XRRA1: variants seen among roughly 807,000 people sequenced by gnomAD.
The protein encoded by XRRA1 is X-ray radiation resistance associated 1, also known as X-ray radiation resistance-associated protein 1.
A neutral mutation model predicts 80.2 loss-of-function variants in XRRA1; 69 were observed. The observed-to-expected ratio is 0.86, with a 90% confidence interval of 0.71 to 1.05. The LOEUF is 1.05. Among genes scored for constraint, XRRA1 ranks in the 50% least tolerant of loss-of-function variants. The probability of loss-of-function intolerance (pLI) is 0.00; values close to 1 mark genes in which losing one functional copy is unlikely to be tolerated. For synonymous variants in XRRA1, 348 were observed against 389.9 expected (o/e 0.89, Z 1.27); for missense variants, 967 against 976.4 (o/e 0.99, Z 0.13).
rs1565207671 is a variant in XRRA1, at chr11:74,844,235, A to T, written c.1976T>A (p.Leu659His). The part of the protein sequence containing the change: ...QALQQMLKHP[L>H]LCHSSKPKLD... ...CTTGGGCTTGGAGGAGTGGCACAGG[A>T]GTGGGTGCTTCAGCATTTGTTGCAG... Residue 659 changes from leucine (L) to histidine (H), a missense_variant, in exon 17 of 19, where the codon CTC becomes CAC. Coordinates refer to ENST00000684022, the MANE Select transcript of XRRA1 (RefSeq NM_001378157.1). The T allele has an allele frequency of 6.2e-7, 1 of 1,613,698 alleles. No homozygotes were observed. Among genetic ancestry groups the T allele is most frequent in the Non-Finnish European group, 8.5e-7 (1 of 1,179,840 alleles).
chr11:74,846,218 G>A (rs867288775), intron 15 of XRRA1: 1 of 152,158 alleles, frequency 6.6e-6, no homozygotes, highest in African/African-American at 2.4e-5. Context: ...GTATATACGT[G>A]TGTGTATTTG....
chr11:74,914,928 G>A (rs138459976), intron 8 of XRRA1, among the ~76,000 whole-genome samples: 33 of 152,206 alleles, frequency 2.2e-4, no homozygotes, highest in African/African-American at 7.2e-4. Flanking sequence ...TTCCTATGGC[G>A]CATACTCCTG....
chr11:74,853,805 AAAG>A (rs1451639406), intron 12 of XRRA1, among the ~76,000 whole-genome samples: 1 of 152,218 alleles, frequency 6.6e-6, no homozygotes, highest in Non-Finnish European at 1.5e-5. Context: ...GGAAGAGTTT[AAAG>A]AAGGCTAGTG....
intron 16 of XRRA1, 64 bp from the exon 17 acceptor site, chr11:74,844,347 G>A: frequency 1.6e-6 from 2 of 1,214,356 alleles, no homozygotes; most frequent in South Asian, 2.6e-5. Flanking sequence ...TGCCTCCCCT[G>A]ATTGCTTCAT....
rs143614227 is a variant in XRRA1 at position 74,841,716 on chromosome 11, G to GT, written c.*1483dup. 6.6e-6 allele frequency: 1 copy of GT among 152,318 alleles called. No individual in the cohort carries two copies. Among genetic ancestry groups the GT allele is most frequent in the African/African-American group, 2.4e-5 (1 of 41,578 alleles). 9.4% of individuals were successfully genotyped at this position (152,318 alleles called of 1,614,324 possible). On this transcript the variant is annotated 3_prime_UTR_variant, in exon 19 of 19. Transcript: ENST00000684022. ...TTGAAGCCAAGGCAAAGCAAGGTTT[G>GT]TTCATCTTCCTTTCCTGTCATTTAA...
chr11:74,866,907 G>T (rs1479993712), intron 10 of XRRA1, among the ~76,000 whole-genome samples: 2 of 152,044 alleles, frequency 1.3e-5, no homozygotes, highest in Non-Finnish European at 2.9e-5. Context: ...ATATGAGAAA[G>T]ACAAAAGGGG....
chr11:74,846,571 G>A (rs1407050178), intron 15 of XRRA1, among the ~76,000 whole-genome samples: 6 of 152,026 alleles, frequency 3.9e-5, no homozygotes, highest in African/African-American at 1.4e-4. Context: ...CAAGTAAAAG[G>A]GATTATATAC....
At chr11:74,847,372 A>G (rs889443719) in intron 15 of XRRA1, among the ~76,000 whole-genome samples, 2 of 152,112 alleles carry the variant, frequency 1.3e-5, no homozygotes, top group South Asian at 4.1e-4. Flanking sequence ...ATAAAGTTCA[A>G]GGGGGCCCTG....
chr11:74,845,123 T>C lies in XRRA1; in HGVS notation c.1877A>G (p.Tyr626Cys), dbSNP rs780055303. The C allele has an allele frequency of 5.0e-6, 8 of 1,614,034 alleles. No individual in the cohort carries two copies. The Admixed American group carries it at 1.3e-4, about 27-fold the overall frequency. Residue 626 changes from tyrosine (Y) to cysteine (C), a missense_variant, in exon 16 of 19, where the codon TAT (tyrosine) becomes TGT (cysteine). By Grantham distance (194) the Tyr-to-Cys change is radical (BLOSUM62 -2). Coordinates refer to ENST00000684022, the MANE Select transcript of XRRA1 (RefSeq NM_001378157.1). ...TAFLPSKYHG[Y>C]EELLTAKPDP... is the part of the protein sequence containing the mutation. ...AGGCTTGGCTGTCAGCAGTTCTTCATAGCCGTGGTACTTGCTGGGAAGGAA... is the reference window on the plus strand; with the variant it reads ...AGGCTTGGCTGTCAGCAGTTCTTCACAGCCGTGGTACTTGCTGGGAAGGAA...
intron 10 of XRRA1, among the ~76,000 whole-genome samples, chr11:74,877,601 A>G (rs1391491157): frequency 8.2e-4 from 110 of 133,424 alleles, no homozygotes; most frequent in African/African-American, 2.6e-3. Flanking sequence ...TCCCGATGCT[A>G]TCCCTCCCCC....
In XRRA1 at chr11:74,843,212, G is replaced by C; in HGVS notation, c.2391C>G (p.Asp797Glu). The C allele has an allele frequency of 6.4e-7, 1 of 1,557,172 alleles. No homozygotes were observed. The highest frequency in any genetic ancestry group is 1.2e-5 in the South Asian group (1 of 84,324). The stretch of plus-strand genomic sequence containing the variant: ...CCCATGCACAGCTCTAGCCTTGTGA[G>C]TCACTGGCTGTGGGCTCCTGGCAGA... ...DEFCQEPTAS[D>E]SQG The change falls in exon 19 of 19, where the codon GAC becomes GAG. Residue 797 changes from aspartate (D) to glutamate (E), a missense_variant. Physicochemically the swap from Asp to Glu is conservative, Grantham distance 45. Coordinates refer to ENST00000684022, the MANE Select transcript of XRRA1 (RefSeq NM_001378157.1).
intron 4 of XRRA1, 40 bp from the exon 5 acceptor site, chr11:74,933,912 C>CA: frequency 6.4e-7 from 1 of 1,561,230 alleles, no homozygotes; most frequent in Non-Finnish European, 8.7e-7. Flanking sequence ...AAGGCCCCTA[C>CA]AAAGTTTAAT....
At chr11:74,900,572 A>G (rs1235474064) in intron 10 of XRRA1, among the ~76,000 whole-genome samples, 1 of 149,510 alleles carries the variant, frequency 6.7e-6, no homozygotes, top group Non-Finnish European at 1.5e-5. Flanking sequence ...ACAAGAGTGA[A>G]ACTCCATCTC....
At chr11:74,847,401 T>C (rs2038563348) in intron 15 of XRRA1, among the ~76,000 whole-genome samples, 1 of 152,164 alleles carries the variant, frequency 6.6e-6, no homozygotes, top group African/African-American at 2.4e-5. Flanking sequence ...TCTAGCCTTA[T>C]ATTACCCTTT....
chr11:74,900,340 T>C (rs1220240345), intron 10 of XRRA1, among the ~76,000 whole-genome samples: 1 of 152,168 alleles, frequency 6.6e-6, no homozygotes, highest in Non-Finnish European at 1.5e-5. Context: ...CCCAGCACTT[T>C]GGGAGGCCAA....
intron 10 of XRRA1, among the ~76,000 whole-genome samples, chr11:74,879,805 G>T (rs1408301500): frequency 1.3e-5 from 2 of 149,376 alleles, no homozygotes; most frequent in African/African-American, 4.9e-5. Flanking sequence ...TTGCATCCCA[G>T]GGATGAAGCC....
chr11:74,881,374 G>A (rs1453833817), intron 10 of XRRA1, among the ~76,000 whole-genome samples: 8 of 151,104 alleles, frequency 5.3e-5, no homozygotes, highest in Non-Finnish European at 1.0e-4. Flanking sequence ...CATGAGATGG[G>A]TTTCCTGAAT....
chr11:74,875,201 G>A (rs1402631879), intron 10 of XRRA1, among the ~76,000 whole-genome samples: 1 of 152,164 alleles, frequency 6.6e-6, no homozygotes, highest in African/African-American at 2.4e-5. Context: ...TAGGACATCA[G>A]AAGGGAGCAG....
At chr11:74,907,765 C>T (rs1272774695) in intron 8 of XRRA1, among the ~76,000 whole-genome samples, 1 of 152,126 alleles carries the variant, frequency 6.6e-6, no homozygotes, top group Non-Finnish European at 1.5e-5. Context: ...GAGGGCACCA[C>T]CCCTGGCTGC....
Sources: gnomAD v4.1 joint callset for allele counts (sites outside exome capture counted in the v4.1 genomes callset) on GRCh38, gnomAD v4.1.1 for gene constraint, MANE v1.5 for transcripts, NCBI Gene and HGNC (gene_info 2026-07-23, HGNC 2026-07-21) for gene names.